Variants in PDE1C observed in about 807,000 individuals in gnomAD.
PDE1C encodes the protein dual specificity calcium/calmodulin-dependent 3',5'-cyclic nucleotide phosphodiesterase 1C.
Under a neutral mutation model 93.1 loss-of-function variants are expected in PDE1C, and 62 were observed. The observed-to-expected ratio is 0.67, with a 90% CI of 0.54 to 0.82. The LOEUF is 0.82. Among genes scored for constraint, PDE1C ranks in the 40% least tolerant of loss-of-function variants. The pLI, the probability that PDE1C is intolerant of heterozygous loss-of-function variation, is 0.00. For missense variants in PDE1C, 742 were observed against 884.6 expected (o/e 0.84, Z 2.04); for synonymous variants, 325 against 310.1 (o/e 1.05, Z -0.50).
the PDE1C span, among the ~76,000 whole-genome samples, chr7:31,622,575 A>G: frequency 6.6e-6 from 1 of 151,974 alleles, no homozygotes; most frequent in Non-Finnish European, 1.5e-5. Context: ...TAAAGACACA[A>G]CATACCAGAA....
At chr7:32,205,991 GA>G (rs1805454164) in intron 2 of PDE1C, among the ~76,000 whole-genome samples, 1 of 152,192 alleles carries the variant, frequency 6.6e-6, no homozygotes, top group Non-Finnish European at 1.5e-5. Context: ...AAGTCAGCGA[GA>G]CCAAGAACCC....
intron 3 of PDE1C, among the ~76,000 whole-genome samples, chr7:32,123,560 T>C (rs1458603389): frequency 6.6e-6 from 1 of 152,030 alleles, no homozygotes; most frequent in African/African-American, 2.4e-5. Context: ...CATATGCAAA[T>C]AAATAAACTT....
Position 31,905,553 on chromosome 7 carries a change from T to C in PDE1C, c.129-24693A>G, listed in dbSNP as rs150082523. On this transcript the variant is annotated intron_variant, in intron 2 of 17. Transcript: ENST00000396191. Reference sequence around the variant, plus strand: ...ACAATGGAAACTATACAATTTAATGTGCACAAATTTTTATCTTCTTTTAAA... The same window carrying C: ...ACAATGGAAACTATACAATTTAATGCGCACAAATTTTTATCTTCTTTTAAA... 6.1e-3 allele frequency among the ~76,000 whole-genome samples: 931 copies of C among 152,340 alleles called. 5 individuals are homozygous for C. The highest frequency in any genetic ancestry group is 0.022 in the African/African-American group (898 of 41,578).
At chr7:32,073,677 C>G (rs1260727397), upstream of PDE1C, among the ~76,000 whole-genome samples, 1 of 152,178 alleles carries the variant, frequency 6.6e-6, no homozygotes, top group Non-Finnish European at 1.5e-5. Flanking sequence ...TCTCTGCCAA[C>G]AAAATACTAC....
At chr7:31,768,802 C>CT (rs528701351) in intron 17 of PDE1C, among the ~76,000 whole-genome samples, 126 of 149,366 alleles carry the variant, frequency 8.4e-4, no homozygotes, top group Middle Eastern at 3.5e-3. Context: ...TCCCTTAACA[C>CT]TTTTTTTTTT....
chr7:31,959,353 T>C (rs1808597688), intron 2 of PDE1C, among the ~76,000 whole-genome samples: 1 of 151,918 alleles, frequency 6.6e-6, no homozygotes. Context: ...GCTAGGATTA[T>C]AAGTGTGCAC....
intron 12 of PDE1C, 95 bp from the exon 13 acceptor site, chr7:31,825,082 A>T: frequency 1.3e-6 from 2 of 1,493,760 alleles, no homozygotes; most frequent in Non-Finnish European, 1.8e-6. Context: ...TCCAGATCAG[A>T]TTAAAAGAGA....
intron 1 of PDE1C, among the ~76,000 whole-genome samples, chr7:32,347,241 A>G (rs991919541): frequency 3.3e-5 from 5 of 152,164 alleles, no homozygotes; most frequent in African/African-American, 7.2e-5. Flanking sequence ...AACACCTTAG[A>G]CAATTGGAGC....
intron 1 of PDE1C, among the ~76,000 whole-genome samples, chr7:32,215,593 C>A (rs967579015): frequency 2.6e-5 from 4 of 152,140 alleles, no homozygotes; most frequent in Non-Finnish European, 5.9e-5. Flanking sequence ...TAACTTGGAG[C>A]AATGAGCATC....
chr7:32,025,250 A>T (rs1334421426), intron 2 of PDE1C, among the ~76,000 whole-genome samples: 1 of 152,078 alleles, frequency 6.6e-6, no homozygotes, highest in East Asian at 1.9e-4. Flanking sequence ...ATTTACATTA[A>T]TTTGTTTGGC....
chr7:32,319,759 G>A lies in PDE1C; in HGVS notation c.310+108063C>T, dbSNP rs538691013. ...ACTTTTCTTCTTCCCAACAGCGACC[G>A]CTCTGGGTATGAAGGCTGAAAAGTC... On this transcript the variant is annotated intron_variant, in intron 1 of 1. Coordinates refer to the PDE1C transcript ENST00000672256. Among the ~76,000 whole-genome samples the A allele has an allele frequency of 1.2e-4, 18 of 152,280 alleles. No individual in the cohort carries two copies. In the South Asian group the frequency reaches 2.7e-3, roughly 23 times the overall value.
At chr7:31,974,320 A>T (rs1194691608) in intron 2 of PDE1C, among the ~76,000 whole-genome samples, 1 of 152,220 alleles carries the variant, frequency 6.6e-6, no homozygotes, top group East Asian at 1.9e-4. Context: ...AATTAGCTAC[A>T]TGATACAGGC....
At position 31,997,198 on chromosome 7, in the gene PDE1C, C is replaced by CTACA. The variant is rs1203765732; in HGVS notation, c.128+54352_128+54355dup. 5.9e-5 allele frequency among the ~76,000 whole-genome samples: 9 copies of CTACA among 152,258 alleles called. 1 individual carries two copies. The highest frequency in any genetic ancestry group is 2.2e-4 in the African/African-American group (9 of 41,558). On this transcript the variant is annotated intron_variant, in intron 2 of 17. Transcript: ENST00000396191. Reference sequence around the variant, plus strand: ...GACAGGACTGGGTTCAGATTAGGAACTACAACATTGGACAAATTACTTAAG... The same window carrying CTACA: ...GACAGGACTGGGTTCAGATTAGGAACTACATACAACATTGGACAAATTACTTAAG...
At chr7:31,683,950 G>A in the PDE1C span, among the ~76,000 whole-genome samples, 1 of 152,166 alleles carries the variant, frequency 6.6e-6, no homozygotes. Flanking sequence ...ATACATCAAA[G>A]GGCTCTTGGA....
the PDE1C span, among the ~76,000 whole-genome samples, chr7:31,746,128 C>A: frequency 1.3e-5 from 2 of 152,092 alleles, no homozygotes; most frequent in African/African-American, 4.8e-5. Context: ...CTTGATAAAG[C>A]CTCTGCCACT....
At chr7:31,767,190 C>A (rs1396126460) in intron 17 of PDE1C, among the ~76,000 whole-genome samples, 2 of 152,154 alleles carry the variant, frequency 1.3e-5, no homozygotes, top group African/African-American at 2.4e-5. Context: ...CTTTAGCCTT[C>A]TATTAAGTTG....
intron 1 of PDE1C, among the ~76,000 whole-genome samples, chr7:32,426,388 C>T (rs1785534717): frequency 6.6e-6 from 1 of 151,836 alleles, no homozygotes; most frequent in Non-Finnish European, 1.5e-5. Flanking sequence ...ATCCTACTGC[C>T]TCAGCCCCCT....
intron 3 of PDE1C, among the ~76,000 whole-genome samples, chr7:32,117,315 A>C (rs900720400): frequency 6.6e-6 from 1 of 152,152 alleles, no homozygotes; most frequent in African/African-American, 2.4e-5. Context: ...CTATAAGAAA[A>C]CTATGTCATA....
At chr7:32,371,232 T>A (rs1784326931) in intron 1 of PDE1C, among the ~76,000 whole-genome samples, 1 of 152,072 alleles carries the variant, frequency 6.6e-6, no homozygotes, top group South Asian at 2.1e-4. Flanking sequence ...CCTACCCAAC[T>A]CCTATGCATC....
Sources: allele counts gnomAD v4.1 joint callset (sites outside exome capture counted in the v4.1 genomes callset), GRCh38; gene constraint gnomAD v4.1.1; transcripts MANE v1.5; gene names NCBI Gene and HGNC (gene_info 2026-07-23, HGNC 2026-07-21).